The following ERBB4 variants were observed in gnomAD, a reference collection of about 807,000 sequenced individuals.
ERBB4 encodes the protein receptor tyrosine-protein kinase erbB-4.
In ERBB4, 42 loss-of-function variants were observed where a neutral mutation model predicts 158.0. That is an observed-to-expected ratio of 0.27 (90% CI 0.21 to 0.34). The LOEUF (loss-of-function observed/expected upper bound fraction) is 0.34, where lower values mean the gene tolerates loss of function less well. Ranked by LOEUF, ERBB4 falls within the 10% of genes least tolerant of loss-of-function variation. ERBB4 has a pLI of 1.00. For synonymous variants in ERBB4, 583 were observed against 558.7 expected (o/e 1.04, Z -0.61); for missense variants, 1,333 against 1,624.1 (o/e 0.82, Z 3.08).
chr2:212,299,445 T>C (rs1246308904), intron 1 of ERBB4, among the ~76,000 whole-genome samples: 1 of 151,654 alleles, frequency 6.6e-6, no homozygotes, highest in African/African-American at 2.4e-5. Flanking sequence ...TACTCATTGT[T>C]TTAGAAACCA....
chr2:211,941,447 A>C (rs949886016), intron 3 of ERBB4, among the ~76,000 whole-genome samples: 3 of 152,136 alleles, frequency 2.0e-5, no homozygotes, highest in Admixed American at 2.0e-4. Flanking sequence ...TGTGTAAGAA[A>C]AAGAACTCAG....
At chr2:212,210,132 A>T (rs773606183) in intron 1 of ERBB4, among the ~76,000 whole-genome samples, 1 of 151,988 alleles carries the variant, frequency 6.6e-6, no homozygotes, top group Non-Finnish European at 1.5e-5. Context: ...GTGCATAGAT[A>T]TGCATAAAGT....
chr2:211,884,785 G>C lies in ERBB4; in HGVS notation c.421+62645C>G, dbSNP rs537163499. Reference sequence around the variant, plus strand: ...TCTAAACATGTTATAGTGAAGACTGGAATTTTCCAATTGGGTTAAGTTGAA... The same window carrying C: ...TCTAAACATGTTATAGTGAAGACTGCAATTTTCCAATTGGGTTAAGTTGAA... On this transcript the variant is annotated intron_variant, in intron 3 of 27. Coordinates refer to ENST00000342788, the MANE Select transcript of ERBB4 (RefSeq NM_005235.3). Among the ~76,000 whole-genome samples, 8 of 152,168 alleles carry C rather than the reference G, an allele frequency of 5.3e-5. No homozygotes were observed. The East Asian group carries it at 1.3e-3, about 26-fold the overall frequency.
chr2:211,832,599 C>T (rs1003585015), intron 3 of ERBB4, among the ~76,000 whole-genome samples: 2 of 149,210 alleles, frequency 1.3e-5, no homozygotes, highest in South Asian at 2.1e-4. Flanking sequence ...TACACATAAA[C>T]GTGTGTGTGT....
intron 25 of ERBB4, among the ~76,000 whole-genome samples, chr2:211,409,611 G>T (rs955179146): frequency 1.3e-5 from 2 of 152,138 alleles, no homozygotes; most frequent in African/African-American, 4.8e-5. Context: ...CATAAATCGA[G>T]CAGGGGCTCT....
chr2:211,750,789 C>A (rs2075109188), intron 4 of ERBB4, 85 bp from the exon 5 acceptor site: 2 of 1,193,586 alleles, frequency 1.7e-6, no homozygotes, highest in Admixed American at 1.8e-5. Flanking sequence ...AGGAAATACT[C>A]CTGCTCCTTT....
chr2:211,979,232 A>G (rs1204598885), intron 2 of ERBB4, among the ~76,000 whole-genome samples: 1 of 152,238 alleles, frequency 6.6e-6, no homozygotes, highest in African/African-American at 2.4e-5. Context: ...TACTAGTTAT[A>G]CATTCAAGAC....
At chr2:212,140,068 C>T (rs2080401095) in intron 1 of ERBB4, among the ~76,000 whole-genome samples, 1 of 151,590 alleles carries the variant, frequency 6.6e-6, no homozygotes, top group Non-Finnish European at 1.5e-5. Flanking sequence ...GTAAAGAAGA[C>T]TTAATGCAAG....
At chr2:212,491,923 AACAG>A (rs1690299810) in intron 1 of ERBB4, among the ~76,000 whole-genome samples, 1 of 151,514 alleles carries the variant, frequency 6.6e-6, no homozygotes, top group South Asian at 2.1e-4. Flanking sequence ...CTGTCATAAG[AACAG>A]ACATTCTTTG....
chr2:211,653,966 G>A (rs765939555), intron 16 of ERBB4, among the ~76,000 whole-genome samples: 13 of 152,074 alleles, frequency 8.5e-5, no homozygotes, highest in Non-Finnish European at 1.9e-4. Flanking sequence ...GAGCCACCGC[G>A]CCCTGCCCAA....
intron 1 of ERBB4, among the ~76,000 whole-genome samples, chr2:212,164,131 T>TGTTAGACATATAACAAAGGTTAAA (rs2125654752): frequency 6.6e-6 from 1 of 152,052 alleles, no homozygotes; most frequent in African/African-American, 2.4e-5. Context: ...AATAGGCTGA[T>TGTTAGACATATAACAAAGGTTAAA]GTTAGACATA....
intron 1 of ERBB4, among the ~76,000 whole-genome samples, chr2:212,403,527 A>T (rs2106468494): frequency 6.6e-6 from 1 of 152,204 alleles, no homozygotes. Context: ...TGTGTCATAT[A>T]CATAAACTGG....
rs72948542 is a variant in ERBB4 at position 211,798,272 on chromosome 2, T to C, written c.422-10113A>G. 2.4e-3 allele frequency among the ~76,000 whole-genome samples: 363 copies of C among 152,248 alleles called. 1 individual carries two copies. The highest frequency in any genetic ancestry group is 4.5e-3 in the Non-Finnish European group (306 of 67,978). Reference sequence around the variant, plus strand: ...TCACACAATATGTATCTTATTCCTTTTTCTTATCTTCTTTCCCTGAAAATA... The same window carrying C: ...TCACACAATATGTATCTTATTCCTTCTTCTTATCTTCTTTCCCTGAAAATA... On this transcript the variant is annotated intron_variant, in intron 3 of 27. Transcript: ENST00000342788.
intron 25 of ERBB4, among the ~76,000 whole-genome samples, chr2:211,419,593 C>T (rs945572836): frequency 6.6e-6 from 1 of 151,996 alleles, no homozygotes; most frequent in African/African-American, 2.4e-5. Context: ...CTTCATGCTC[C>T]GTACTGGTCA....
At chr2:212,404,468 C>T (rs2106470841) in intron 1 of ERBB4, among the ~76,000 whole-genome samples, 1 of 151,964 alleles carries the variant, frequency 6.6e-6, no homozygotes, top group African/African-American at 2.4e-5. Flanking sequence ...TGCCCAACAC[C>T]TAGTGCCAAG....
intron 2 of ERBB4, among the ~76,000 whole-genome samples, chr2:211,978,392 G>GTCTA (rs1165469722): frequency 0.025 from 2,500 of 101,780 alleles, 23 homozygotes; most frequent in Non-Finnish European, 0.027. Flanking sequence ...CTGTCTGTCT[G>GTCTA]TCTGTCTATC....
At chr2:211,414,516 A>C (rs1423220194) in intron 25 of ERBB4, among the ~76,000 whole-genome samples, 1 of 150,432 alleles carries the variant, frequency 6.6e-6, no homozygotes. Context: ...AAAAAAAAAA[A>C]AAAAAAAGAA....
chr2:211,644,786 A>G (rs1299032808), intron 16 of ERBB4, among the ~76,000 whole-genome samples: 3 of 152,038 alleles, frequency 2.0e-5, no homozygotes, highest in African/African-American at 7.2e-5. Flanking sequence ...GTAATTTGGA[A>G]TAAACATAAC....
chr2:212,318,994 T>A (rs2087429160), intron 1 of ERBB4, among the ~76,000 whole-genome samples: 1 of 151,532 alleles, frequency 6.6e-6, no homozygotes, highest in Non-Finnish European at 1.5e-5. Context: ...GGATAATAGA[T>A]ATACCACACT....
Sources: allele counts gnomAD v4.1 joint callset (sites outside exome capture counted in the v4.1 genomes callset), GRCh38; gene constraint gnomAD v4.1.1; transcripts MANE v1.5; gene names NCBI Gene and HGNC (gene_info 2026-07-23, HGNC 2026-07-21).